Variants in ADCY9 observed in about 807,000 individuals in gnomAD.
ADCY9 encodes adenylate cyclase 9, also known as adenylate cyclase type 9.
In ADCY9, 50 loss-of-function variants were observed where a neutral mutation model predicts 101.5. The observed-to-expected ratio is 0.49, with a 90% CI of 0.39 to 0.62. ADCY9 has a LOEUF of 0.62. Ranked by LOEUF, ADCY9 falls within the 20% of genes least tolerant of loss-of-function variation. The pLI is 0.00. For synonymous variants in ADCY9, 905 were observed against 769.3 expected (o/e 1.18, Z -2.92); for missense variants, 1,662 against 1,800.4 (o/e 0.92, Z 1.39).
Position 4,113,775 on chromosome 16 carries a change from C to G in ADCY9, c.1668G>C (p.Gln556His). 1 of 1,613,508 alleles carries G rather than the reference C, an allele frequency of 6.2e-7. No individual in the cohort carries two copies. Among genetic ancestry groups the G allele is most frequent in the African/African-American group, 1.3e-5 (1 of 75,016 alleles). ...EDGKVIERLGQSVVADQLKGL... is the reference protein window; with the variant it reads ...EDGKVIERLGHSVVADQLKGL... ...CTTTCAACTGGTCAGCAACCACGCT[C>G]TGGCCCAGCCGTTCAATAACTTTCC... The change falls in exon 2 of 11, where the codon CAG becomes CAC. Residue 556 changes from glutamine (Q) to histidine (H), a missense_variant. Physicochemically the swap from Gln to His is conservative, Grantham distance 24 (BLOSUM62 0). Around this residue, in one of 5 missense-constraint regions of ADCY9, gnomAD observed 624 missense variants for 639.1 expected, o/e 0.98. Coordinates refer to ENST00000294016, the MANE Select transcript of ADCY9 (RefSeq NM_001116.4).
Position 3,964,580 on chromosome 16 carries a change from T to C in ADCY9, c.*1195A>G, listed in dbSNP as rs918770643. 3 of 152,342 alleles carry C rather than the reference T, an allele frequency of 2.0e-5. No homozygotes were observed. Among genetic ancestry groups the C allele is most frequent in the Non-Finnish European group, 4.4e-5 (3 of 68,126 alleles). 9.4% of individuals were successfully genotyped at this position (152,342 alleles called of 1,614,324 possible). A position where few individuals can be genotyped will look rare whatever the true frequency, so the allele number is the denominator to read the frequency against. On this transcript the variant is annotated 3_prime_UTR_variant, in exon 11 of 11. Transcript: ENST00000294016. ...CTTCTGGAATTTGTGGAAGCCAAGATGGCACCGGTGCTGCCGGCACAGACC... is the reference window on the plus strand; with the variant it reads ...CTTCTGGAATTTGTGGAAGCCAAGACGGCACCGGTGCTGCCGGCACAGACC...
At chr16:4,057,038 G>GCCCCC (rs375745334) in intron 2 of ADCY9, among the ~76,000 whole-genome samples, 162 of 83,488 alleles carry the variant, frequency 1.9e-3, no homozygotes, top group Non-Finnish European at 2.4e-3. Context: ...TGATGAAACC[G>GCCCCC]CCCCCCCCCC....
At chr16:4,018,951 T>TTGTGTGTGTGTGTGTGTGTGTGTG (rs58093859) in intron 2 of ADCY9, among the ~76,000 whole-genome samples, 23,823 of 138,622 alleles carry the variant, frequency 0.17, 2,354 homozygotes, top group Admixed American at 0.23. Context: ...AGAATCGCAG[T>TTGTGTGTGTGTGTGTGTGTGTGTG]TGTGTGTGTG....
At chr16:4,006,375 C>T (rs993504554) in intron 3 of ADCY9, among the ~76,000 whole-genome samples, 3 of 152,178 alleles carry the variant, frequency 2.0e-5, no homozygotes, top group Non-Finnish European at 4.4e-5. Context: ...TGACAGAACC[C>T]GAGTGCAATC....
intron 2 of ADCY9, 72 bp from the exon 3 acceptor site, chr16:4,007,630 C>G (rs2056375875): frequency 7.4e-7 from 1 of 1,343,710 alleles, no homozygotes; most frequent in Admixed American, 2.2e-5. Flanking sequence ...CCGTCTTGCT[C>G]TCTGGAGAGG....
intron 2 of ADCY9, among the ~76,000 whole-genome samples, chr16:4,059,386 AAAAAAAAAG>A (rs1425349804): frequency 2.6e-5 from 4 of 151,258 alleles, no homozygotes; most frequent in African/African-American, 9.7e-5. Flanking sequence ...ATCGAAAAAA[AAAAAAAAAG>A]AAAAAAAAAG....
In ADCY9 at chr16:4,028,905, C is replaced by T. The variant is rs201440699; in HGVS notation, c.1694-21347G>A. On this transcript the variant is annotated intron_variant, in intron 2 of 10. Transcript: ENST00000294016. ...GTTCAAGCAATTCTCCTGCCTCAGTCTCTTGAGTAGCTAGGACTACAGGCA... is the reference window on the plus strand; with the variant it reads ...GTTCAAGCAATTCTCCTGCCTCAGTTTCTTGAGTAGCTAGGACTACAGGCA... 7.9e-5 allele frequency among the ~76,000 whole-genome samples: 12 copies of T among 152,018 alleles called. No homozygotes were observed. In the East Asian group the frequency reaches 1.4e-3, roughly 17 times the overall value.
chr16:3,968,359 C>T (rs1198867522), intron 10 of ADCY9, among the ~76,000 whole-genome samples: 10 of 151,340 alleles, frequency 6.6e-5, no homozygotes, highest in South Asian at 4.2e-4. Flanking sequence ...CTCAAACTCC[C>T]GACCTCAGGT....
At chr16:4,083,122 A>G (rs977197764) in intron 2 of ADCY9, among the ~76,000 whole-genome samples, 1 of 152,230 alleles carries the variant, frequency 6.6e-6, no homozygotes, top group African/African-American at 2.4e-5. Flanking sequence ...TGGAACTGCC[A>G]TACTTCTTGT....
chr16:4,104,179 G>A (rs2141202889), intron 2 of ADCY9, among the ~76,000 whole-genome samples: 1 of 152,280 alleles, frequency 6.6e-6, no homozygotes, highest in Non-Finnish European at 1.5e-5. Context: ...TGCCGCCAAT[G>A]ATAAAAAATT....
At chr16:4,056,228 T>C (rs1055076224) in intron 2 of ADCY9, among the ~76,000 whole-genome samples, 1 of 152,188 alleles carries the variant, frequency 6.6e-6, no homozygotes, top group Non-Finnish European at 1.5e-5. Flanking sequence ...CTGTGCAAAA[T>C]GCTGTGGCTT....
intron 2 of ADCY9, among the ~76,000 whole-genome samples, chr16:4,062,728 T>G (rs2056780104): frequency 1.3e-5 from 2 of 152,030 alleles, no homozygotes; most frequent in South Asian, 4.1e-4. Context: ...TGAATAAACT[T>G]TAAGACAAAA....
intron 3 of ADCY9, among the ~76,000 whole-genome samples, chr16:4,002,824 C>T (rs1056583088): frequency 6.6e-6 from 1 of 152,370 alleles, no homozygotes; most frequent in South Asian, 2.1e-4. Flanking sequence ...AAGGGATCCT[C>T]CTGCCTCAGC....
intron 2 of ADCY9, among the ~76,000 whole-genome samples, chr16:4,034,589 T>G (rs1421304553): frequency 1.3e-5 from 2 of 152,040 alleles, no homozygotes; most frequent in Non-Finnish European, 2.9e-5. Flanking sequence ...TTTGTATTAT[T>G]AGTAGGGGTT....
chr16:4,061,375 A>G (rs539474492), intron 2 of ADCY9, among the ~76,000 whole-genome samples: 1 of 152,318 alleles, frequency 6.6e-6, no homozygotes, highest in Admixed American at 6.5e-5. Context: ...AGTAAGCTCA[A>G]AAAACTCCAA....
At chr16:4,009,360 CT>C (rs1476543118) in intron 2 of ADCY9, among the ~76,000 whole-genome samples, 1 of 152,198 alleles carries the variant, frequency 6.6e-6, no homozygotes, top group Non-Finnish European at 1.5e-5. Context: ...CAGCCCCCAC[CT>C]CCTATAGCCT....
At chr16:3,995,792 C>T (rs2056282525) in intron 3 of ADCY9, among the ~76,000 whole-genome samples, 2 of 151,938 alleles carry the variant, frequency 1.3e-5, no homozygotes, top group Non-Finnish European at 2.9e-5. Flanking sequence ...ATAAAAGAAA[C>T]AAAGATTCTA....
At chr16:3,957,775 C>T (rs1567408707), downstream of ADCY9, among the ~76,000 whole-genome samples, 1 of 152,002 alleles carries the variant, frequency 6.6e-6, no homozygotes, top group African/African-American at 2.4e-5. Context: ...TGCCCCCGGG[C>T]GTCCTGAGCA....
chr16:4,010,152 C>T (rs1004824488), intron 2 of ADCY9, among the ~76,000 whole-genome samples: 1 of 152,230 alleles, frequency 6.6e-6, no homozygotes, highest in African/African-American at 2.4e-5. Context: ...GAGGCTACGG[C>T]TCCCCATGCA....
Sources: allele counts gnomAD v4.1 joint callset (sites outside exome capture counted in the v4.1 genomes callset), GRCh38; gene constraint gnomAD v4.1.1; regional missense constraint gnomAD v4.1.1; transcripts MANE v1.5; gene names NCBI Gene and HGNC (gene_info 2026-07-23, HGNC 2026-07-21).